The following SPIDR variants were observed in gnomAD, a reference collection of about 807,000 sequenced individuals.
SPIDR encodes DNA repair-scaffolding protein.
In SPIDR, 93 loss-of-function variants were observed where a neutral mutation model predicts 104.6. The ratio of observed to expected loss-of-function variants is 0.89; its 90% CI spans 0.75 to 1.06. SPIDR has a LOEUF of 1.06. Ranked by LOEUF, SPIDR falls within the 50% of genes least tolerant of loss-of-function variation. The pLI, the probability that SPIDR is intolerant of heterozygous loss-of-function variation, is 0.00. For missense variants in SPIDR, 1,154 were observed against 1,111.2 expected, an observed-to-expected ratio of 1.04 and a Z score of -0.55; for synonymous variants, 431 against 416.9, an observed-to-expected ratio of 1.03 and a Z score of -0.41.
chr8:47,571,389 CTT>C (rs2058508764), intron 8 of SPIDR, among the ~76,000 whole-genome samples: 1 of 152,016 alleles, frequency 6.6e-6, no homozygotes, highest in African/African-American at 2.4e-5. Context: ...TTGTGTCCCT[CTT>C]ATATGTATTT....
At chr8:47,722,663 GCA>G (rs1165099184) in intron 16 of SPIDR, among the ~76,000 whole-genome samples, 1 of 152,006 alleles carries the variant, frequency 6.6e-6, no homozygotes, top group Non-Finnish European at 1.5e-5. Flanking sequence ...ATTAAGCTTT[GCA>G]CACATTTTCT....
intron 6 of SPIDR, among the ~76,000 whole-genome samples, chr8:47,403,963 A>G (rs1340095833): frequency 2.0e-5 from 3 of 152,240 alleles, no homozygotes; most frequent in Admixed American, 1.3e-4. Context: ...CTACAAAGCT[A>G]CAGTAAGCAA....
chr8:47,717,182 G>A (rs555337133), intron 16 of SPIDR, among the ~76,000 whole-genome samples: 5 of 152,264 alleles, frequency 3.3e-5, no homozygotes, highest in African/African-American at 9.6e-5. Flanking sequence ...GTGACCCATC[G>A]CTCGCTTCCA....
At chr8:47,280,616 C>T (rs1586268196) in intron 2 of SPIDR, among the ~76,000 whole-genome samples, 1 of 152,142 alleles carries the variant, frequency 6.6e-6, no homozygotes. Flanking sequence ...TGGTTTGGAA[C>T]TCCTGACCTC....
chr8:47,261,068 C>T (rs1338313739), intron 1 of SPIDR, 77 bp downstream of exon 1: 3 of 1,219,212 alleles, frequency 2.5e-6, no homozygotes, highest in African/African-American at 3.1e-5. Flanking sequence ...CGGGGCTGGC[C>T]CCGTTGTGCT....
chr8:47,321,733 G>C (rs2046643967), intron 5 of SPIDR, among the ~76,000 whole-genome samples: 1 of 152,196 alleles, frequency 6.6e-6, no homozygotes, highest in Non-Finnish European at 1.5e-5. Flanking sequence ...CATGGTACTG[G>C]TACCGAAACA....
intron 11 of SPIDR, among the ~76,000 whole-genome samples, chr8:47,695,099 C>T (rs1231894001): frequency 6.6e-6 from 1 of 151,958 alleles, no homozygotes; most frequent in Non-Finnish European, 1.5e-5. Context: ...CATCATGGGC[C>T]TCTAGAAAAC....
At chr8:47,708,376 G>A (rs2081377202) in intron 14 of SPIDR, among the ~76,000 whole-genome samples, 1 of 152,160 alleles carries the variant, frequency 6.6e-6, no homozygotes, top group Non-Finnish European at 1.5e-5. Context: ...TTTTCTTTTA[G>A]AGCAGTTTTA....
intron 10 of SPIDR, among the ~76,000 whole-genome samples, chr8:47,632,432 T>C (rs2067206626): frequency 6.6e-6 from 1 of 152,194 alleles, no homozygotes; most frequent in Non-Finnish European, 1.5e-5. Flanking sequence ...CATTAGTATT[T>C]TTCATGTAAT....
At chr8:47,511,183 A>G in intron 8 of SPIDR, 2 of 1,568,218 alleles carry the variant, frequency 1.3e-6, no homozygotes, top group East Asian at 2.2e-5. Context: ...GAAGAGTTGG[A>G]TGTTGCTGAT....
chr8:47,513,532 G>A (rs1020460402), intron 8 of SPIDR, among the ~76,000 whole-genome samples: 1 of 152,144 alleles, frequency 6.6e-6, no homozygotes, highest in Non-Finnish European at 1.5e-5. Flanking sequence ...TCCAGTTTAG[G>A]TGAAATCTGT....
intron 8 of SPIDR, among the ~76,000 whole-genome samples, chr8:47,524,042 G>T (rs531866987): frequency 6.6e-6 from 1 of 152,198 alleles, no homozygotes. Flanking sequence ...AGTTATTTTA[G>T]AGATGAATTA....
At chr8:47,562,804 G>T (rs1756111538) in intron 8 of SPIDR, among the ~76,000 whole-genome samples, 1 of 152,124 alleles carries the variant, frequency 6.6e-6, no homozygotes, top group African/African-American at 2.4e-5. Flanking sequence ...CTACTCCTGT[G>T]CCACTGTCCC....
intron 3 of SPIDR, among the ~76,000 whole-genome samples, chr8:47,289,043 C>G (rs1225240374): frequency 6.6e-6 from 1 of 151,984 alleles, no homozygotes; most frequent in Non-Finnish European, 1.5e-5. Flanking sequence ...GGGATCTTAC[C>G]CTGTCACTCG....
At chr8:47,591,286 G>A (rs2060982698) in intron 8 of SPIDR, among the ~76,000 whole-genome samples, 1 of 150,474 alleles carries the variant, frequency 6.6e-6, no homozygotes, top group Non-Finnish European at 1.5e-5. Flanking sequence ...ACGTTTTGGT[G>A]TATATCTCTT....
intron 10 of SPIDR, among the ~76,000 whole-genome samples, chr8:47,600,376 C>G (rs1374245340): frequency 1.3e-5 from 2 of 151,990 alleles, no homozygotes; most frequent in African/African-American, 4.8e-5. Flanking sequence ...ATGCAATCAT[C>G]CTATCATTAT....
intron 8 of SPIDR, among the ~76,000 whole-genome samples, chr8:47,595,351 G>A (rs935775336): frequency 1.3e-5 from 2 of 152,160 alleles, no homozygotes; most frequent in Non-Finnish European, 2.9e-5. Context: ...ACTTAAATGT[G>A]AGGTATTCAG....
intron 8 of SPIDR, among the ~76,000 whole-genome samples, chr8:47,503,085 T>G (rs180726163): frequency 7.9e-5 from 12 of 152,068 alleles, no homozygotes; most frequent in Non-Finnish European, 1.2e-4. Flanking sequence ...AATAGGTGTG[T>G]TGTGGTGCTG....
chr8:47,490,231 A>G (rs2078450076), intron 8 of SPIDR, among the ~76,000 whole-genome samples: 1 of 152,256 alleles, frequency 6.6e-6, no homozygotes, highest in South Asian at 2.1e-4. Context: ...TATGCAGTCA[A>G]CAGACACATG....
Sources: allele counts gnomAD v4.1 joint callset (sites outside exome capture counted in the v4.1 genomes callset), GRCh38; gene constraint gnomAD v4.1.1; transcripts MANE v1.5; gene names NCBI Gene and HGNC (gene_info 2026-07-23, HGNC 2026-07-21).